Variants in GMDS observed in about 807,000 individuals in gnomAD.
GMDS encodes the protein GDP-mannose 4,6 dehydratase.
Under a neutral mutation model 49.9 loss-of-function variants are expected in GMDS, and 20 were observed. That is an observed-to-expected ratio of 0.40 (90% CI 0.28 to 0.58). The LOEUF (loss-of-function observed/expected upper bound fraction) is 0.58, where lower values mean the gene tolerates loss of function less well. Among genes scored for constraint, GMDS ranks in the 20% least tolerant of loss-of-function variants. GMDS has a pLI of 0.42. For synonymous variants in GMDS, 177 were observed against 178.6 expected (o/e 0.99, Z 0.07); for missense variants, 362 against 481.4 (o/e 0.75, Z 2.32).
rs530871868 is a variant in GMDS at position 1,683,285 on chromosome 6, G to A, written c.987+43131C>T. Among the ~76,000 whole-genome samples the A allele has an allele frequency of 9.9e-5, 15 of 152,102 alleles. No individual in the cohort carries two copies. In the South Asian group the frequency reaches 1.2e-3, roughly 13 times the overall value. ...ACTACAGGCGCCCGCCACCACGCCCGGCTAGTTTTTTGTATTTTTAGTAGA... is the reference window on the plus strand; with the variant it reads ...ACTACAGGCGCCCGCCACCACGCCCAGCTAGTTTTTTGTATTTTTAGTAGA... On this transcript the variant is annotated intron_variant, in intron 9 of 10. Transcript: ENST00000380815.
chr6:2,190,795 C>A (rs779886283), intron 1 of GMDS, among the ~76,000 whole-genome samples: 1 of 152,136 alleles, frequency 6.6e-6, no homozygotes, highest in South Asian at 2.1e-4. Context: ...GCAGGGGAGG[C>A]GTGGGTGGTG....
chr6:1,862,964 G>A (rs1037352097), intron 7 of GMDS, among the ~76,000 whole-genome samples: 2 of 151,996 alleles, frequency 1.3e-5, no homozygotes, highest in African/African-American at 4.8e-5. Context: ...AAATACTAAA[G>A]GTATAGATAA....
At chr6:1,781,556 C>T (rs1769085539) in intron 7 of GMDS, among the ~76,000 whole-genome samples, 1 of 152,228 alleles carries the variant, frequency 6.6e-6, no homozygotes, top group African/African-American at 2.4e-5. Context: ...CTAGGGCCTA[C>T]TCCCCTCTGC....
intron 7 of GMDS, among the ~76,000 whole-genome samples, chr6:1,928,280 G>A (rs1190968380): frequency 1.3e-5 from 2 of 151,760 alleles, no homozygotes; most frequent in Non-Finnish European, 2.9e-5. Context: ...CAGGAGAATC[G>A]CTTGAACCCG....
chr6:2,093,584 G>A (rs1281318457), intron 4 of GMDS, among the ~76,000 whole-genome samples: 1 of 152,060 alleles, frequency 6.6e-6, no homozygotes, highest in Non-Finnish European at 1.5e-5. Flanking sequence ...ATATAAATAT[G>A]AGGTTAAAAA....
At chr6:2,195,616 T>C (rs1458204675) in intron 1 of GMDS, among the ~76,000 whole-genome samples, 1 of 152,200 alleles carries the variant, frequency 6.6e-6, no homozygotes, top group African/African-American at 2.4e-5. Context: ...AAAAATTACA[T>C]GTTGATTTCT....
At chr6:1,780,603 G>A (rs1457158672) in intron 7 of GMDS, among the ~76,000 whole-genome samples, 4 of 152,150 alleles carry the variant, frequency 2.6e-5, no homozygotes, top group Non-Finnish European at 5.9e-5. Flanking sequence ...TGAGGAGAGC[G>A]GGGCTGCTGG....
intron 9 of GMDS, among the ~76,000 whole-genome samples, chr6:1,676,598 G>T (rs540462946): frequency 1.3e-5 from 2 of 152,114 alleles, no homozygotes; most frequent in African/African-American, 2.4e-5. Flanking sequence ...TAGACCAATG[G>T]AACAGAATAG....
chr6:2,087,279 T>C (rs776678957), intron 4 of GMDS, among the ~76,000 whole-genome samples: 1 of 152,236 alleles, frequency 6.6e-6, no homozygotes, highest in South Asian at 2.1e-4. Context: ...ACAATTTTAT[T>C]TGAAGAAATG....
At chr6:2,097,039 C>T (rs1773644382) in intron 4 of GMDS, among the ~76,000 whole-genome samples, 4 of 151,300 alleles carry the variant, frequency 2.6e-5, no homozygotes, top group Non-Finnish European at 5.9e-5. Flanking sequence ...GTGAATTCAA[C>T]AGGTATCATT....
intron 4 of GMDS, among the ~76,000 whole-genome samples, chr6:2,103,647 A>G (rs1774052876): frequency 2.0e-5 from 3 of 152,212 alleles, no homozygotes; most frequent in Admixed American, 2.0e-4. Flanking sequence ...TCCGAATCTC[A>G]GTTTCTACTA....
chr6:1,766,268 A>G lies in GMDS; in HGVS notation c.772-23682T>C. The stretch of plus-strand genomic sequence containing the variant: ...AGCTGATGTGCATTGAGTCACTGGA[A>G]ATTGGACAGGAGCAAAGACCACAGA... On this transcript the variant is annotated intron_variant, in intron 7 of 10. Transcript: ENST00000380815. The surrounding 1 kb of genome is among the most constrained non-coding windows in gnomAD (Gnocchi z 4.5). 6.6e-6 allele frequency among the ~76,000 whole-genome samples: 1 copy of G among 152,146 alleles called. No individual in the cohort carries two copies. Among genetic ancestry groups the G allele is most frequent in the Non-Finnish European group, 1.5e-5 (1 of 68,020 alleles).
chr6:1,735,858 T>C lies in GMDS; in HGVS notation c.890+6610A>G, dbSNP rs886817065. ...TTTGTAAATAATGTGTTCTTATTAA[T>C]TGACACCCAATTAGAGTCTATATTT... On this transcript the variant is annotated intron_variant, in intron 8 of 10. Transcript: ENST00000380815. 5.3e-5 allele frequency among the ~76,000 whole-genome samples: 8 copies of C among 152,262 alleles called. 1 individual carries two copies. The highest frequency in any genetic ancestry group is 2.1e-4 in the South Asian group (1 of 4,838).
intron 7 of GMDS, among the ~76,000 whole-genome samples, chr6:1,877,055 C>G (rs1037244047): frequency 6.6e-6 from 1 of 152,146 alleles, no homozygotes; most frequent in African/African-American, 2.4e-5. Flanking sequence ...ACTTTTTTCC[C>G]TCCTCAGTGT....
rs1296220936 is a variant in GMDS at position 1,833,234 on chromosome 6, C to T, written c.772-90648G>A. 6.6e-6 allele frequency among the ~76,000 whole-genome samples: 1 copy of T among 151,662 alleles called. No homozygotes were observed. Among genetic ancestry groups the T allele is most frequent in the Non-Finnish European group, 1.5e-5 (1 of 67,982 alleles). On this transcript the variant is annotated intron_variant, in intron 7 of 10. Coordinates refer to ENST00000380815, the MANE Select transcript of GMDS (RefSeq NM_001500.4). This position sits in a 1 kb window ranked among gnomAD's most constrained non-coding sequence, Gnocchi z 4.4. ...AGGGGAATTGGCCAAATGTCGTCTC[C>T]CGCTGGGCTTCAATGCCAAAACTAC...
intron 7 of GMDS, among the ~76,000 whole-genome samples, chr6:1,821,253 G>A (rs1770874924): frequency 6.6e-6 from 1 of 152,064 alleles, no homozygotes; most frequent in African/African-American, 2.4e-5. Flanking sequence ...GAAGTGAGTG[G>A]GTCTCCCGGA....
At chr6:1,710,432 A>G (rs1765904753) in intron 9 of GMDS, among the ~76,000 whole-genome samples, 1 of 152,248 alleles carries the variant, frequency 6.6e-6, no homozygotes, top group South Asian at 2.1e-4. Context: ...AACCCTGAGC[A>G]GCCACCTGCT....
chr6:1,757,347 A>C (rs1767987389), intron 7 of GMDS, among the ~76,000 whole-genome samples: 1 of 152,134 alleles, frequency 6.6e-6, no homozygotes, highest in Non-Finnish European at 1.5e-5. Context: ...GTGCCAAGCC[A>C]CCTACTTCAG....
At chr6:2,220,570 T>C (rs1170146823) in intron 1 of GMDS, among the ~76,000 whole-genome samples, 3 of 152,080 alleles carry the variant, frequency 2.0e-5, no homozygotes, top group Non-Finnish European at 4.4e-5. Context: ...TCAGATAGAG[T>C]CACCTTCACT....
Sources: allele counts gnomAD v4.1 joint callset (sites outside exome capture counted in the v4.1 genomes callset), GRCh38; gene constraint gnomAD v4.1.1; non-coding constraint Gnocchi (gnomAD v3.1); transcripts MANE v1.5; gene names NCBI Gene and HGNC (gene_info 2026-07-23, HGNC 2026-07-21).